Variants in EFCAB11 observed in about 807,000 individuals in gnomAD.
The protein encoded by EFCAB11 is EF-hand calcium-binding domain-containing protein 11.
Under a neutral mutation model 23.0 loss-of-function variants are expected in EFCAB11, and 14 were observed. That is an observed-to-expected ratio of 0.61 (90% CI 0.40 to 0.95). The LOEUF is 0.95. Ranked by LOEUF, EFCAB11 falls within the 40% of genes least tolerant of loss-of-function variation. The pLI, the probability that EFCAB11 is intolerant of heterozygous loss-of-function variation, is 0.00. For synonymous variants in EFCAB11, 65 were observed against 66.6 expected, an observed-to-expected ratio of 0.98 and a Z score of 0.11; for missense variants, 198 against 195.8, an observed-to-expected ratio of 1.01 and a Z score of -0.07.
Position 89,821,436 on chromosome 14 carries a change from T to C in EFCAB11, c.411-24112A>G, listed in dbSNP as rs1677980672. Among the ~76,000 whole-genome samples the C allele has an allele frequency of 3.3e-5, 5 of 152,214 alleles. No individual in the cohort carries two copies. In the South Asian group the frequency reaches 1.0e-3, roughly 31 times the overall value. ...TTATGTATATAAATCCTATTGTGTC[T>C]GTTTCTCTGGAGAGCTGTAATACCA... On this transcript the variant is annotated intron_variant, in intron 5 of 5. Coordinates refer to ENST00000316738, the MANE Select transcript of EFCAB11 (RefSeq NM_145231.4).
intron 5 of EFCAB11, among the ~76,000 whole-genome samples, chr14:89,819,760 G>A (rs182461129): frequency 1.1e-4 from 16 of 152,168 alleles, no homozygotes; most frequent in Non-Finnish European, 1.5e-5. Context: ...TAATGGTGAT[G>A]GCTATCTTCA....
chr14:89,808,694 A>C (rs776452890), intron 5 of EFCAB11, among the ~76,000 whole-genome samples: 1 of 152,232 alleles, frequency 6.6e-6, no homozygotes, highest in African/African-American at 2.4e-5. Flanking sequence ...AAAATGAATA[A>C]CATTTGATAA....
At chr14:89,863,407 C>T (rs1887989696) in intron 5 of EFCAB11, among the ~76,000 whole-genome samples, 1 of 152,184 alleles carries the variant, frequency 6.6e-6, no homozygotes, top group African/African-American at 2.4e-5. Context: ...CAAAAGCAAA[C>T]TTGTTTGACC....
chr14:89,951,276 C>T lies in EFCAB11; in HGVS notation c.172-1134G>A, dbSNP rs953976416. ...GGTGGCATTGCTATCCCTTCAGTCCCAGTGGTCATGTCACTCTTACCACCA... is the reference window on the plus strand; with the variant it reads ...GGTGGCATTGCTATCCCTTCAGTCCTAGTGGTCATGTCACTCTTACCACCA... On this transcript the variant is annotated intron_variant, in intron 2 of 5. Coordinates refer to ENST00000316738, the MANE Select transcript of EFCAB11 (RefSeq NM_145231.4). 9.9e-5 allele frequency among the ~76,000 whole-genome samples: 15 copies of T among 152,092 alleles called. No homozygotes were observed. The East Asian group carries it at 2.9e-3, about 29-fold the overall frequency.
In EFCAB11 at chr14:89,803,597, G is replaced by A. The variant is rs192164266; in HGVS notation, c.411-6273C>T. On this transcript the variant is annotated intron_variant, in intron 5 of 5. Coordinates refer to ENST00000316738, the MANE Select transcript of EFCAB11 (RefSeq NM_145231.4). ...TTTGGGGTGGGGGAAAAGGGAGAGAGCAGCTTTTTCTCTTTGATTCTTTAT... is the reference window on the plus strand; with the variant it reads ...TTTGGGGTGGGGGAAAAGGGAGAGAACAGCTTTTTCTCTTTGATTCTTTAT... 2.0e-5 allele frequency among the ~76,000 whole-genome samples: 3 copies of A among 152,310 alleles called. No individual in the cohort carries two copies. In the East Asian group the frequency reaches 5.8e-4, roughly 29 times the overall value.
intron 5 of EFCAB11, among the ~76,000 whole-genome samples, chr14:89,844,888 A>G (rs970020151): frequency 1.3e-5 from 2 of 151,970 alleles, no homozygotes; most frequent in Non-Finnish European, 2.9e-5. Flanking sequence ...TTTCTGGAAC[A>G]CTATGAGGTA....
chr14:89,858,041 T>C (rs930560882), intron 5 of EFCAB11, among the ~76,000 whole-genome samples: 2 of 152,224 alleles, frequency 1.3e-5, no homozygotes, highest in Non-Finnish European at 2.9e-5. Flanking sequence ...TGGTACAGGC[T>C]GTGGCAGTTT....
intron 5 of EFCAB11, among the ~76,000 whole-genome samples, chr14:89,908,953 T>C (rs1459379374): frequency 2.0e-5 from 3 of 152,132 alleles, no homozygotes; most frequent in African/African-American, 2.4e-5. Flanking sequence ...GGAGCCAAGA[T>C]AGTAGGCAAA....
At chr14:89,893,548 G>A (rs1229576806) in intron 5 of EFCAB11, among the ~76,000 whole-genome samples, 2 of 151,834 alleles carry the variant, frequency 1.3e-5, no homozygotes, top group East Asian at 3.9e-4. Context: ...AGGGCAGCCC[G>A]TATCCAAAGT....
At chr14:89,821,349 C>T (rs900313646) in intron 5 of EFCAB11, among the ~76,000 whole-genome samples, 31 of 152,204 alleles carry the variant, frequency 2.0e-4, no homozygotes, top group African/African-American at 7.5e-4. Flanking sequence ...TCCCTATGAA[C>T]TCTGGACTTG....
intron 5 of EFCAB11, among the ~76,000 whole-genome samples, chr14:89,807,123 A>C (rs1209673748): frequency 1.3e-5 from 2 of 152,240 alleles, no homozygotes; most frequent in African/African-American, 2.4e-5. Context: ...AATGGGACAG[A>C]GATGGCAATC....
At chr14:89,809,033 T>C (rs1371668578) in intron 5 of EFCAB11, among the ~76,000 whole-genome samples, 2 of 152,216 alleles carry the variant, frequency 1.3e-5, no homozygotes, top group African/African-American at 2.4e-5. Context: ...ATTCTCAAAG[T>C]TGGTATGGAG....
chr14:89,935,520 C>A (rs1388760619), intron 3 of EFCAB11, among the ~76,000 whole-genome samples: 1 of 151,912 alleles, frequency 6.6e-6, no homozygotes, highest in Non-Finnish European at 1.5e-5. Context: ...TCAAGTTATC[C>A]CCCACCTCAG....
chr14:89,910,772 C>T (rs1476544358), intron 5 of EFCAB11, among the ~76,000 whole-genome samples: 5 of 151,938 alleles, frequency 3.3e-5, no homozygotes, highest in African/African-American at 9.7e-5. Context: ...GAGAGTCGGA[C>T]GGGTTTTTAT....
intron 5 of EFCAB11, among the ~76,000 whole-genome samples, chr14:89,911,489 G>A (rs528248647): frequency 2.0e-5 from 3 of 152,336 alleles, no homozygotes; most frequent in South Asian, 2.1e-4. Flanking sequence ...AACGTGCTCC[G>A]CACACAGCTC....
intron 5 of EFCAB11, among the ~76,000 whole-genome samples, chr14:89,801,205 A>G (rs1291053448): frequency 6.6e-6 from 1 of 152,192 alleles, no homozygotes; most frequent in South Asian, 2.1e-4. Flanking sequence ...GCGATGATCA[A>G]AAGTCCTTCA....
intron 5 of EFCAB11, among the ~76,000 whole-genome samples, chr14:89,917,078 GTGTGTGTGTGTGTGTGTGTA>G (rs1365595702): frequency 2.4e-4 from 34 of 138,988 alleles, no homozygotes; most frequent in African/African-American, 1.0e-3. Context: ...GTGTGTGTGT[GTGTGTGTGTGTGTGTGTGTA>G]TGTGTGTGTT....
chr14:89,821,691 G>A (rs530056601), intron 5 of EFCAB11, among the ~76,000 whole-genome samples: 98 of 152,288 alleles, frequency 6.4e-4, no homozygotes, highest in African/African-American at 2.4e-3. Context: ...CTGCCTAGAG[G>A]CACCGTTTGG....
At position 89,834,389 on chromosome 14, in the gene EFCAB11, A is replaced by C. The variant is rs944361875; in HGVS notation, c.411-37065T>G. Among the ~76,000 whole-genome samples, 6 of 149,522 alleles carry C rather than the reference A, an allele frequency of 4.0e-5. 1 individual carries two copies. The highest frequency in any genetic ancestry group is 6.8e-3 in the Middle Eastern group (2 of 294). ...AGACTCCGTCTCAAAAAAAAAAAAA[A>C]AAAAAAAAAAAAAACCTTTTTGTTT... On this transcript the variant is annotated intron_variant, in intron 5 of 5. Transcript: ENST00000316738.
Sources: gnomAD v4.1 joint callset for allele counts (sites outside exome capture counted in the v4.1 genomes callset) on GRCh38, gnomAD v4.1.1 for gene constraint, MANE v1.5 for transcripts, NCBI Gene and HGNC (gene_info 2026-07-23, HGNC 2026-07-21) for gene names.